KLHDC2: variants seen among roughly 807,000 people sequenced by gnomAD.
The protein encoded by KLHDC2 is kelch domain-containing protein 2.
A neutral mutation model predicts 62.3 loss-of-function variants in KLHDC2; 38 were observed. The observed-to-expected ratio is 0.61, with a 90% confidence interval of 0.47 to 0.80. The LOEUF (loss-of-function observed/expected upper bound fraction) is 0.80, where lower values mean the gene tolerates loss of function less well. Among genes scored for constraint, KLHDC2 ranks in the 30% least tolerant of loss-of-function variants. The pLI, the probability that KLHDC2 is intolerant of heterozygous loss-of-function variation, is 0.00. For synonymous variants in KLHDC2, 159 were observed against 161.0 expected, an observed-to-expected ratio of 0.99 and a Z score of 0.09; for missense variants, 430 against 495.3, an observed-to-expected ratio of 0.87 and a Z score of 1.25.
chr14:49,769,559 T>C (rs1363664357), intron 1 of KLHDC2, among the ~76,000 whole-genome samples: 1 of 152,224 alleles, frequency 6.6e-6, no homozygotes, highest in Non-Finnish European at 1.5e-5. Context: ...TGATACTTTA[T>C]TTTGGTTTAA....
At chr14:49,777,667 C>T (rs2139797229) in intron 3 of KLHDC2, 172 bp from the exon 4 acceptor site, 1 of 450,746 alleles carries the variant, frequency 2.2e-6, no homozygotes, top group East Asian at 3.5e-5. Context: ...AGTTGGTATT[C>T]AGTCACAGAA....
intron 3 of KLHDC2, among the ~76,000 whole-genome samples, chr14:49,776,932 A>AATATATAT (rs34017046): frequency 1.4e-5 from 2 of 145,336 alleles, no homozygotes; most frequent in Non-Finnish European, 3.0e-5. Context: ...AAAAAAAAGA[A>AATATATAT]ATATATATAT....
chr14:49,784,459 G>C lies in KLHDC2; in HGVS notation c.*1506G>C. Reference sequence around the variant, plus strand: ...TTTTGGAAATCCTATCATAGACAGTGTTTCCTCTATATAAAACTGGGAAAA... The same window carrying C: ...TTTTGGAAATCCTATCATAGACAGTCTTTCCTCTATATAAAACTGGGAAAA... On this transcript the variant is annotated 3_prime_UTR_variant, in exon 13 of 13. Transcript: ENST00000298307. The C allele has an allele frequency of 5.5e-6, 3 of 549,390 alleles. No individual in the cohort carries two copies. Among genetic ancestry groups the C allele is most frequent in the Non-Finnish European group, 9.7e-6 (3 of 310,770 alleles). The allele number at this position is 549,390 out of a possible 1,614,324, so 34.0% of individuals were successfully genotyped here. A position where few individuals can be genotyped will look rare whatever the true frequency, so the allele number is the denominator to read the frequency against.
chr14:49,768,220 C>A lies in KLHDC2; in HGVS notation c.-249C>A. ...CCTGCAGTGCCCCGAGTCCCGGGCC[C>A]GCGCCGCCGCCGCCCGGCTCCGCTC... On this transcript the variant is annotated 5_prime_UTR_variant, in exon 1 of 13. Coordinates refer to ENST00000298307, the MANE Select transcript of KLHDC2 (RefSeq NM_014315.3). The A allele has an allele frequency of 2.8e-6, 1 of 354,460 alleles. No individual in the cohort carries two copies. Among genetic ancestry groups the A allele is most frequent in the Non-Finnish European group, 5.0e-6 (1 of 199,642 alleles). The allele number at this position is 354,460 out of a possible 1,614,324, so 22.0% of individuals were successfully genotyped here. A position where few individuals can be genotyped will look rare whatever the true frequency, so the allele number is the denominator to read the frequency against.
At position 49,783,673 on chromosome 14, in the gene KLHDC2, G is replaced by A. The variant is rs555378697; in HGVS notation, c.*720G>A. ...CTAAAATGCGCTTCTGGTATTATAG[G>A]TTAAGATACTCTAACGTGCTATATT... is the stretch of plus-strand genomic sequence containing the variant. On this transcript the variant is annotated 3_prime_UTR_variant, in exon 13 of 13. Transcript: ENST00000298307. 6.6e-6 allele frequency: 1 copy of A among 151,788 alleles called. No homozygotes were observed. Among genetic ancestry groups the A allele is most frequent in the Non-Finnish European group, 1.5e-5 (1 of 67,870 alleles). 9.4% of individuals were successfully genotyped at this position (151,788 alleles called of 1,614,324 possible).
At chr14:49,778,343 TAATC>T in intron 5 of KLHDC2, 64 bp from the exon 6 acceptor site, 1 of 1,330,250 alleles carries the variant, frequency 7.5e-7, no homozygotes, top group Non-Finnish European at 1.1e-6. Flanking sequence ...TTTTCTTTGG[TAATC>T]AGGCAGGCTG....
chr14:49,770,415 TGG>T (rs1009072405), intron 1 of KLHDC2, among the ~76,000 whole-genome samples: 5 of 152,030 alleles, frequency 3.3e-5, no homozygotes, highest in Non-Finnish European at 7.4e-5. Flanking sequence ...TCATCACTGG[TGG>T]GGTGGAAAAA....
intron 3 of KLHDC2, among the ~76,000 whole-genome samples, chr14:49,777,567 T>TG (rs11379960): frequency 0.97 from 146,729 of 151,444 alleles, 71,274 homozygotes; most frequent in East Asian, 1. Flanking sequence ...CACTCCAGCC[T>TG]GGCAAGAGAG....
intron 2 of KLHDC2, among the ~76,000 whole-genome samples, chr14:49,773,831 C>G (rs372689469): frequency 1.3e-5 from 2 of 152,090 alleles, no homozygotes; most frequent in South Asian, 2.1e-4. Flanking sequence ...CTGCCTCAGC[C>G]TCCCAAAGTG....
intron 8 of KLHDC2, 58 bp downstream of exon 8, chr14:49,779,864 C>T (rs1889851727): frequency 8.3e-7 from 1 of 1,198,606 alleles, no homozygotes; most frequent in African/African-American, 1.5e-5. Flanking sequence ...CCCTATATTC[C>T]CTACTATTGG....
At chr14:49,779,523 A>G (rs1374108787) in intron 6 of KLHDC2, 72 bp from the exon 7 acceptor site, 1 of 1,135,268 alleles carries the variant, frequency 8.8e-7, no homozygotes, top group Non-Finnish European at 1.3e-6. Flanking sequence ...TTCTTATCCC[A>G]TATCCAGAGT....
intron 2 of KLHDC2, among the ~76,000 whole-genome samples, chr14:49,772,773 A>G (rs896608553): frequency 2.0e-5 from 3 of 152,088 alleles, no homozygotes; most frequent in African/African-American, 7.2e-5. Flanking sequence ...CCTGGCCAAC[A>G]TGGTGAAACC....
rs1459395235 is a variant in KLHDC2, at chr14:49,782,978, CA to C, written c.*26del. The stretch of plus-strand genomic sequence containing the variant: ...AGGCTTCATAAATAATGCCTATGAT[CA>C]CCTTGCATGGACAGCAATCCTGTAA... On this transcript the variant is annotated 3_prime_UTR_variant, in exon 13 of 13. Transcript: ENST00000298307. 6.2e-7 allele frequency: 1 copy of C among 1,605,730 alleles called. No individual in the cohort carries two copies.
rs1490815029 is a variant in KLHDC2, at chr14:49,785,870, G to A, written c.*2917G>A. 8.1e-5 allele frequency: 11 copies of A among 136,000 alleles called. No homozygotes were observed. The highest frequency in any genetic ancestry group is 2.0e-4 in the African/African-American group (7 of 35,730). The allele number at this position is 136,000 out of a possible 1,614,324, so 8.4% of individuals were successfully genotyped here. A position where few individuals can be genotyped will look rare whatever the true frequency, so the allele number is the denominator to read the frequency against. On this transcript the variant is annotated 3_prime_UTR_variant, in exon 13 of 13. Coordinates refer to ENST00000298307, the MANE Select transcript of KLHDC2 (RefSeq NM_014315.3). ...CACTGCACTGGGTGACACCAGCCTG[G>A]GTGACAGAGACCCTGTCTCAAAAAA... is the stretch of plus-strand genomic sequence containing the variant.
intron 2 of KLHDC2, 37 bp downstream of exon 2, chr14:49,771,710 A>G (rs762704634): frequency 9.3e-7 from 1 of 1,080,664 alleles, no homozygotes; most frequent in Non-Finnish European, 1.4e-6. Context: ...TAAAAAATTC[A>G]GATAAGGGCT....
At position 49,778,410 on chromosome 14, in the gene KLHDC2, G is replaced by T. The variant is rs1175007805; in HGVS notation, c.550-1G>T. 6.5e-7 allele frequency: 1 copy of T among 1,542,188 alleles called. No homozygotes were observed. Among genetic ancestry groups the T allele is most frequent in the African/African-American group, 1.4e-5 (1 of 72,800 alleles). ...ATAACGCGGATTCTTATTTTCTGTA[G>T]AATTCAAGTCATCCAAGAGGATGGA... On this transcript the variant is annotated splice_acceptor_variant, in intron 5 of 12. Transcript: ENST00000298307. LOFTEE classifies it high-confidence loss of function.
At chr14:49,782,064 A>G (rs529792163) in intron 10 of KLHDC2, 17 of 287,962 alleles carry the variant, frequency 5.9e-5, no homozygotes, top group East Asian at 1.8e-4. Flanking sequence ...ATGGAAGAAG[A>G]AGGCATATAC....
At position 49,779,807 on chromosome 14, in the gene KLHDC2, G is replaced by C; in HGVS notation, c.773+1G>C. On this transcript the variant is annotated splice_donor_variant, in intron 8 of 12. Transcript: ENST00000298307. LOFTEE classifies it high-confidence loss of function. ...TGGATACATGGGAGTGGAATGAATT[G>C]TAGGTATCACTTTAGATACATTTTT... 6.2e-7 allele frequency: 1 copy of C among 1,601,622 alleles called. No individual in the cohort carries two copies. The highest frequency in any genetic ancestry group is 8.5e-7 in the Non-Finnish European group (1 of 1,170,304).
intron 10 of KLHDC2, chr14:49,782,124 ATCGTTCAGTTC>A: frequency 2.2e-6 from 1 of 457,876 alleles, no homozygotes; most frequent in East Asian, 3.5e-5. Flanking sequence ...TAGAGAACAG[ATCGTTCAGTTC>A]AAACTCCTCA....
Sources: allele counts gnomAD v4.1 joint callset (sites outside exome capture counted in the v4.1 genomes callset), GRCh38; gene constraint gnomAD v4.1.1; transcripts MANE v1.5; gene names NCBI Gene and HGNC (gene_info 2026-07-23, HGNC 2026-07-21).